Variants in FRAS1 observed in about 807,000 individuals in gnomAD.
The protein encoded by FRAS1 is Fraser extracellular matrix complex subunit 1.
In FRAS1, 290 loss-of-function variants were observed where a neutral mutation model predicts 435.2. That is an observed-to-expected ratio of 0.67 (90% CI 0.61 to 0.73). The LOEUF (loss-of-function observed/expected upper bound fraction) is 0.73, where lower values mean the gene tolerates loss of function less well. FRAS1 is among the 30% of genes least tolerant of loss of function. The probability of loss-of-function intolerance (pLI) is 0.00; values close to 1 mark genes in which losing one functional copy is unlikely to be tolerated. For missense variants in FRAS1, 4,860 were observed against 5,001.5 expected (o/e 0.97, Z 0.85); for synonymous variants, 1,800 against 1,851.0 (o/e 0.97, Z 0.71).
intron 53 of FRAS1, among the ~76,000 whole-genome samples, chr4:78,475,089 T>C (rs1275278065): frequency 1.3e-5 from 2 of 152,204 alleles, no homozygotes; most frequent in African/African-American, 4.8e-5. Context: ...CACTGACCTA[T>C]TGTGATTACT....
chr4:78,232,346 T>G (rs1000273600), intron 2 of FRAS1, among the ~76,000 whole-genome samples: 1 of 151,704 alleles, frequency 6.6e-6, no homozygotes, highest in Non-Finnish European at 1.5e-5. Context: ...AGTGCAGTGG[T>G]GCGATCTCGG....
intron 32 of FRAS1, among the ~76,000 whole-genome samples, chr4:78,416,003 A>G (rs1733538058): frequency 6.6e-6 from 1 of 152,214 alleles, no homozygotes; most frequent in Non-Finnish European, 1.5e-5. Flanking sequence ...CATTATTCAC[A>G]ATAGCCAAGA....
At chr4:78,491,939 AG>A (rs1389696456) in intron 59 of FRAS1, among the ~76,000 whole-genome samples, 1 of 152,254 alleles carries the variant, frequency 6.6e-6, no homozygotes, top group African/African-American at 2.4e-5. Context: ...TAAGCTGATA[AG>A]GAACTTCAGC....
intron 58 of FRAS1, among the ~76,000 whole-genome samples, chr4:78,487,124 G>A (rs1246656309): frequency 2.0e-5 from 3 of 152,234 alleles, no homozygotes; most frequent in East Asian, 3.9e-4. Flanking sequence ...TATGCTGGGC[G>A]ATGTCATTGC....
intron 59 of FRAS1, among the ~76,000 whole-genome samples, chr4:78,493,866 C>G (rs1216725650): frequency 1.3e-5 from 2 of 152,084 alleles, no homozygotes; most frequent in Non-Finnish European, 2.9e-5. Flanking sequence ...TCTGCAACCT[C>G]AGTGTATGTC....
At chr4:78,092,049 C>A (rs1350926420) in intron 2 of FRAS1, among the ~76,000 whole-genome samples, 1 of 148,908 alleles carries the variant, frequency 6.7e-6, no homozygotes, top group Non-Finnish European at 1.5e-5. Context: ...GTGTGGGTGG[C>A]TTGGAGGTAA....
rs1413324829 is a variant in FRAS1 at position 78,284,761 on chromosome 4, A to ATTT, written c.1399+215_1399+217dup. 2.0e-5 allele frequency among the ~76,000 whole-genome samples: 3 copies of ATTT among 152,202 alleles called. No individual in the cohort carries two copies. In the East Asian group the frequency reaches 5.8e-4, roughly 29 times the overall value. ...CTACCTGCAGGTCTTTTTTTCTGAC[A>ATTT]TTTTATAGGTATTTTGGTGCTTATT... is the stretch of plus-strand genomic sequence containing the variant. On this transcript the variant is annotated intron_variant, in intron 13 of 73. Coordinates refer to ENST00000512123, the MANE Select transcript of FRAS1 (RefSeq NM_025074.7).
chr4:78,510,387 C>T (rs985457355), intron 63 of FRAS1, among the ~76,000 whole-genome samples: 14 of 151,948 alleles, frequency 9.2e-5, no homozygotes, highest in African/African-American at 1.5e-4. Flanking sequence ...CCTCAAATCC[C>T]TTCTGTACTA....
intron 28 of FRAS1, 66 bp from the exon 29 acceptor site, chr4:78,387,309 T>C: frequency 2.6e-6 from 3 of 1,140,908 alleles, no homozygotes; most frequent in Non-Finnish European, 2.5e-6. Context: ...AACAATCAGG[T>C]ATCTAGTCCA....
Position 78,281,440 on chromosome 4 carries a change from A to G in FRAS1, c.1107+7A>G. 6.5e-7 allele frequency: 1 copy of G among 1,548,742 alleles called. No individual in the cohort carries two copies. The highest frequency in any genetic ancestry group is 1.7e-4 in the Middle Eastern group (1 of 5,918). On this transcript the variant is annotated splice_region_variant and intron_variant, in intron 11 of 73. Coordinates refer to ENST00000512123, the MANE Select transcript of FRAS1 (RefSeq NM_025074.7). ...TGAAGTTAAACGTATTCCAGTAAGTATAGCTTTTTAACTTGCACGTAGATC... is the reference window on the plus strand; with the variant it reads ...TGAAGTTAAACGTATTCCAGTAAGTGTAGCTTTTTAACTTGCACGTAGATC...
intron 2 of FRAS1, chr4:78,181,242 C>T (rs1291312518): frequency 1.9e-6 from 3 of 1,609,698 alleles, no homozygotes; most frequent in Admixed American, 1.7e-5. Flanking sequence ...TCTTTTGGAC[C>T]CTCCTCTTTT....
rs766199006 is a variant in FRAS1 at position 78,522,748 on chromosome 4, G to A, written c.10748G>A (p.Trp3583Ter). The A allele has an allele frequency of 6.2e-7, 1 of 1,612,406 alleles. No individual in the cohort carries two copies. Among genetic ancestry groups the A allele is most frequent in the East Asian group, 2.2e-5 (1 of 44,820 alleles). The change falls in exon 69 of 74, where the codon TGG becomes TAG. Residue 3583 changes from tryptophan to a stop codon, truncating the protein, a stop_gained. Transcript: ENST00000512123. LOFTEE classifies it high-confidence loss of function. ...GGIEFDLQLL[W>*]SAQTFDSPHQ... The stretch of plus-strand genomic sequence containing the variant: ...ATTGAATTTGACTTGCAGCTATTAT[G>A]GAGCGCTCAGACTTTTGATTCTCCA...
At chr4:78,270,475 G>C (rs1047712298) in intron 9 of FRAS1, among the ~76,000 whole-genome samples, 1 of 152,050 alleles carries the variant, frequency 6.6e-6, no homozygotes, top group Non-Finnish European at 1.5e-5. Flanking sequence ...ACCCTCTTCT[G>C]TGTATTTTGC....
rs1722047491 is a variant in FRAS1, at chr4:78,541,398, A to G, written c.*274A>G. The G allele has an allele frequency of 3.6e-6, 1 of 278,922 alleles. No homozygotes were observed. The highest frequency in any genetic ancestry group is 2.2e-5 in the African/African-American group (1 of 45,872). The allele number at this position is 278,922 out of a possible 1,614,324, so 17.3% of individuals were successfully genotyped here. A position where few individuals can be genotyped will look rare whatever the true frequency, so the allele number is the denominator to read the frequency against. On this transcript the variant is annotated 3_prime_UTR_variant, in exon 74 of 74. Transcript: ENST00000512123. The stretch of plus-strand genomic sequence containing the variant: ...GTAAGGCTGGTCTTAGAAAACAAGT[A>G]CTTTAGTATCAGGACAGGAGTTGAA...
intron 19 of FRAS1, among the ~76,000 whole-genome samples, chr4:78,334,262 C>G (rs1730071447): frequency 6.6e-6 from 1 of 150,394 alleles, no homozygotes; most frequent in African/African-American, 2.5e-5. Context: ...TGATAGATTC[C>G]TTTTTGATCT....
chr4:78,382,023 T>A (rs1732042370), intron 27 of FRAS1, among the ~76,000 whole-genome samples: 1 of 152,232 alleles, frequency 6.6e-6, no homozygotes, highest in Admixed American at 6.5e-5. Flanking sequence ...GTTTGTGTTT[T>A]GTTTTGTTTT....
At position 78,301,543 on chromosome 4, in the gene FRAS1, G is replaced by A. The variant is rs139680559; in HGVS notation, c.1535-6523G>A. ...GGAAAGAGATAAAAAGGCAAAGAAC[G>A]ATAGATGTCAAGTAGGACTGGGTCC... On this transcript the variant is annotated intron_variant, in intron 14 of 73. Coordinates refer to ENST00000512123, the MANE Select transcript of FRAS1 (RefSeq NM_025074.7). Among the ~76,000 whole-genome samples the A allele has an allele frequency of 4.5e-3, 683 of 152,250 alleles. 6 individuals are homozygous for A. The highest frequency in any genetic ancestry group is 0.015 in the African/African-American group (633 of 41,552).
At chr4:78,109,421 C>T (rs934523016) in intron 2 of FRAS1, among the ~76,000 whole-genome samples, 1 of 151,184 alleles carries the variant, frequency 6.6e-6, no homozygotes, top group African/African-American at 2.4e-5. Flanking sequence ...GGGCTTCATC[C>T]CTGGGATGCA....
Position 78,470,961 on chromosome 4 carries a change from G to A in FRAS1, c.7371+870G>A, listed in dbSNP as rs371718573. 3.2e-4 allele frequency among the ~76,000 whole-genome samples: 49 copies of A among 152,280 alleles called. 1 individual carries two copies. In the East Asian group the frequency reaches 6.8e-3, roughly 21 times the overall value. ...ATGTTGCATGGGAGGCTGGGAAATAGCATCTCTAGCTGGGCAGGCAGAGGC... is the reference window on the plus strand; with the variant it reads ...ATGTTGCATGGGAGGCTGGGAAATAACATCTCTAGCTGGGCAGGCAGAGGC... On this transcript the variant is annotated intron_variant, in intron 51 of 73. Coordinates refer to ENST00000512123, the MANE Select transcript of FRAS1 (RefSeq NM_025074.7).
Sources: gnomAD v4.1 joint callset for allele counts (sites outside exome capture counted in the v4.1 genomes callset) on GRCh38, gnomAD v4.1.1 for gene constraint, MANE v1.5 for transcripts, NCBI Gene and HGNC (gene_info 2026-07-23, HGNC 2026-07-21) for gene names.